Variants in STIM2 observed in about 807,000 individuals in gnomAD.
STIM2 encodes the protein stromal interaction molecule 2.
In STIM2, 31 loss-of-function variants were observed where a neutral mutation model predicts 85.8. The observed-to-expected ratio is 0.36, with a 90% confidence interval of 0.27 to 0.49. STIM2 has a LOEUF of 0.49. Ranked by LOEUF, STIM2 falls within the 20% of genes least tolerant of loss-of-function variation. The pLI, the probability that STIM2 is intolerant of heterozygous loss-of-function variation, is 0.98. For missense variants in STIM2, 841 were observed against 927.6 expected (o/e 0.91, Z 1.21); for synonymous variants, 356 against 331.1 (o/e 1.08, Z -0.82).
chr4:27,014,305 G>A (rs1470048520), intron 10 of STIM2, among the ~76,000 whole-genome samples: 1 of 151,640 alleles, frequency 6.6e-6, no homozygotes, highest in Non-Finnish European at 1.5e-5. Context: ...ATTATTTTAA[G>A]GCTATGAATT....
At chr4:26,922,978 C>CT (rs551115862) in intron 2 of STIM2, among the ~76,000 whole-genome samples, 38 of 151,992 alleles carry the variant, frequency 2.5e-4, no homozygotes, top group African/African-American at 9.2e-4. Flanking sequence ...ATGTCCCTGT[C>CT]TGACAGCTTT....
At chr4:26,911,883 G>A (rs1169535971) in intron 1 of STIM2, among the ~76,000 whole-genome samples, 2 of 152,118 alleles carry the variant, frequency 1.3e-5, no homozygotes, top group African/African-American at 4.8e-5. Flanking sequence ...CCTGTTATGT[G>A]CTAGGTGTTT....
At chr4:26,904,860 C>A (rs537058482) in intron 1 of STIM2, among the ~76,000 whole-genome samples, 2 of 150,762 alleles carry the variant, frequency 1.3e-5, no homozygotes, top group Non-Finnish European at 2.9e-5. Flanking sequence ...TGAATTAGTT[C>A]CTGGAGTGAT....
intron 1 of STIM2, among the ~76,000 whole-genome samples, chr4:26,874,911 G>A (rs535585687): frequency 1.4e-4 from 22 of 152,164 alleles, no homozygotes; most frequent in Admixed American, 3.3e-4. Context: ...TTAATGCTGT[G>A]GTTATTTGTT....
intron 11 of STIM2, among the ~76,000 whole-genome samples, chr4:27,018,294 G>A (rs1728802493): frequency 6.6e-6 from 1 of 152,162 alleles, no homozygotes; most frequent in African/African-American, 2.4e-5. Flanking sequence ...TTCATTTCCT[G>A]TGGCTCCAGG....
intron 2 of STIM2, among the ~76,000 whole-genome samples, chr4:26,949,897 C>T (rs758855363): frequency 1.8e-4 from 28 of 152,088 alleles, no homozygotes; most frequent in South Asian, 1.0e-3. Context: ...TAAGTTTTTA[C>T]GTTTTTGCTT....
chr4:26,921,269 G>T (rs967223531), intron 2 of STIM2, among the ~76,000 whole-genome samples: 1 of 152,212 alleles, frequency 6.6e-6, no homozygotes, highest in African/African-American at 2.4e-5. Context: ...TAGAGCCTTT[G>T]AGAGAGCATG....
chr4:26,886,085 G>A (rs147373618), intron 1 of STIM2, among the ~76,000 whole-genome samples: 1,694 of 151,862 alleles, frequency 0.011, 18 homozygotes, highest in Non-Finnish European at 0.016. Flanking sequence ...GAGGTTCAGT[G>A]GAACAGAGGA....
chr4:27,007,675 T>A lies in STIM2; in HGVS notation c.1124T>A (p.Met375Lys), dbSNP rs772994756. The change falls in exon 8 of 12, where the codon ATG (methionine) becomes AAG (lysine). Residue 375 changes from methionine (M) to lysine (K), a missense_variant. Transcript: ENST00000467087. Reference sequence around the variant, plus strand: ...AATATTAAAAGACAAAACGCTGAAATGCAGCTAGCTATTGCTAAAGATGAG... The same window carrying A: ...AATATTAAAAGACAAAACGCTGAAAAGCAGCTAGCTATTGCTAAAGATGAG... 13 of 1,578,810 alleles carry A rather than the reference T, an allele frequency of 8.2e-6. No individual in the cohort carries two copies. The highest frequency in any genetic ancestry group is 1.1e-5 in the Non-Finnish European group (13 of 1,166,344).
intron 4 of STIM2, among the ~76,000 whole-genome samples, chr4:26,996,654 T>C (rs1296978355): frequency 6.6e-6 from 1 of 152,134 alleles, no homozygotes; most frequent in East Asian, 1.9e-4. Context: ...TGAATATCTT[T>C]TATGTTCATG....
intron 11 of STIM2, among the ~76,000 whole-genome samples, chr4:27,022,299 T>A (rs1436267972): frequency 6.6e-6 from 1 of 152,228 alleles, no homozygotes; most frequent in Non-Finnish European, 1.5e-5. Flanking sequence ...TTGTAAGATT[T>A]CTTTATTATG....
At chr4:26,885,821 T>TTATATATATATATATACA (rs1723197254) in intron 1 of STIM2, among the ~76,000 whole-genome samples, 1 of 84,632 alleles carries the variant, frequency 1.2e-5, no homozygotes, top group East Asian at 3.4e-4. Flanking sequence ...GCACCTCAGG[T>TTATATATATATATATACA]TATATATATA....
At position 26,873,813 on chromosome 4, in the gene STIM2, CA is replaced by C. The variant is rs553066322; in HGVS notation, c.151+12445del. The C allele has an allele frequency of 1.0e-3, 902 of 867,002 alleles. 2 individuals carry two copies. Among genetic ancestry groups the C allele is most frequent in the Non-Finnish European group, 1.6e-3 (828 of 521,680 alleles). 53.7% of individuals were successfully genotyped at this position (867,002 alleles called of 1,614,324 possible). ...TCAAGGGGTAAGGGGCTCTACAAGG[CA>C]GACTCCCGCCTCAACCGCCGTAGTG... On this transcript the variant is annotated intron_variant, in intron 1 of 11. Transcript: ENST00000467087.
chr4:26,934,686 G>C (rs955194019), intron 2 of STIM2, among the ~76,000 whole-genome samples: 1 of 152,082 alleles, frequency 6.6e-6, no homozygotes, highest in Non-Finnish European at 1.5e-5. Context: ...GGCCGAGGTG[G>C]GTGAATCTCC....
chr4:26,970,201 A>T (rs2058478), intron 3 of STIM2, among the ~76,000 whole-genome samples: 1 of 52,080 alleles, frequency 1.9e-5, no homozygotes, highest in South Asian at 5.3e-4. Context: ...GTGTGTGTGT[A>T]TATATATATA....
intron 1 of STIM2, among the ~76,000 whole-genome samples, chr4:26,913,291 A>G (rs1468384945): frequency 6.6e-6 from 1 of 151,862 alleles, no homozygotes; most frequent in Non-Finnish European, 1.5e-5. Flanking sequence ...ATAGTAATAT[A>G]GTATTATACT....
chr4:27,021,113 A>T, intron 11 of STIM2: 1 of 1,439,738 alleles, frequency 6.9e-7, no homozygotes, highest in Non-Finnish European at 9.4e-7. Context: ...CACTCTGTTC[A>T]TTCATTCATT....
At chr4:27,007,771 G>C in intron 8 of STIM2, 71 bp downstream of exon 8, 1 of 1,415,384 alleles carries the variant, frequency 7.1e-7, no homozygotes, top group Non-Finnish European at 9.4e-7. Context: ...TTACTCAGCT[G>C]GGATACACAG....
intron 3 of STIM2, among the ~76,000 whole-genome samples, chr4:26,993,808 C>T (rs1397250160): frequency 6.6e-6 from 1 of 152,152 alleles, no homozygotes; most frequent in African/African-American, 2.4e-5. Flanking sequence ...AGTATTACTA[C>T]TTTCAGAGTA....
Sources: gnomAD v4.1 joint callset for allele counts (sites outside exome capture counted in the v4.1 genomes callset) on GRCh38, gnomAD v4.1.1 for gene constraint, MANE v1.5 for transcripts, NCBI Gene and HGNC (gene_info 2026-07-23, HGNC 2026-07-21) for gene names.